The following PTPRT variants were observed in gnomAD, a reference collection of about 807,000 sequenced individuals.
PTPRT encodes receptor-type tyrosine-protein phosphatase T.
PTPRT carries 56 observed loss-of-function variants against 176.8 expected under a neutral mutation model. The ratio of observed to expected loss-of-function variants is 0.32; its 90% CI spans 0.26 to 0.40. The LOEUF is 0.40. Ranked by LOEUF, PTPRT falls within the 10% of genes least tolerant of loss-of-function variation. PTPRT has a pLI of 1.00. For synonymous variants in PTPRT, 783 were observed against 739.0 expected (o/e 1.06, Z -0.96); for missense variants, 1,540 against 1,908.2 (o/e 0.81, Z 3.60).
intron 7 of PTPRT, among the ~76,000 whole-genome samples, chr20:42,544,676 G>A (rs753129339): frequency 2.0e-5 from 3 of 152,170 alleles, no homozygotes; most frequent in Non-Finnish European, 4.4e-5. Context: ...ACAGAGAGTA[G>A]CCTGGCTGTT....
chr20:43,024,744 A>C (rs982722687), intron 1 of PTPRT, among the ~76,000 whole-genome samples: 3 of 152,208 alleles, frequency 2.0e-5, no homozygotes, highest in African/African-American at 7.2e-5. Context: ...CCAGTGTTAG[A>C]TCCCAAGAGC....
chr20:42,598,435 T>C (rs1475833566), intron 7 of PTPRT, among the ~76,000 whole-genome samples: 1 of 152,132 alleles, frequency 6.6e-6, no homozygotes, highest in African/African-American at 2.4e-5. Context: ...TATTGGTTTG[T>C]AAAATGAGTA....
chr20:43,085,125 A>T (rs1389186178), intron 1 of PTPRT, among the ~76,000 whole-genome samples: 1 of 152,162 alleles, frequency 6.6e-6, no homozygotes, highest in African/African-American at 2.4e-5. Context: ...TGTTGGTTTT[A>T]TTAAACTCCA....
chr20:42,487,214 G>A (rs1042711503), intron 7 of PTPRT, among the ~76,000 whole-genome samples: 55 of 152,314 alleles, frequency 3.6e-4, no homozygotes, highest in African/African-American at 1.2e-3. Context: ...GAGAAGGGCA[G>A]AAGTCTAATA....
At position 42,839,174 on chromosome 20, in the gene PTPRT, C is replaced by T. The variant is rs139581431; in HGVS notation, c.214+46633G>A. 1.6e-3 allele frequency among the ~76,000 whole-genome samples: 247 copies of T among 152,214 alleles called. 1 individual carries two copies. The highest frequency in any genetic ancestry group is 5.6e-3 in the African/African-American group (231 of 41,548). ...ACCTCGTAGGGACTTCCATCTCACACGGCCTCCCTGGTTGCCCATCAGCCT... is the reference window on the plus strand; with the variant it reads ...ACCTCGTAGGGACTTCCATCTCACATGGCCTCCCTGGTTGCCCATCAGCCT... On this transcript the variant is annotated intron_variant, in intron 2 of 30. Coordinates refer to ENST00000373187, the MANE Select transcript of PTPRT (RefSeq NM_007050.6).
In PTPRT at chr20:42,315,944, C is replaced by A. The variant is rs531404437; in HGVS notation, c.1918G>T (p.Ala640Ser). The A allele has an allele frequency of 9.2e-5, 149 of 1,613,998 alleles. 2 individuals carry two copies. The South Asian group carries it at 1.4e-3, about 15-fold the overall frequency. ...EERLQKSRRA[A>S]DIIECFSVPV... ...ACCGAAAAGCACTCAATAATGTCAG[C>A]TGCCCTCCGTGACTTCTGAAGTCGC... The change falls in exon 12 of 31, where the codon GCT (alanine) becomes TCT (serine). Residue 640 changes from alanine to serine, a missense_variant. By Grantham distance (99) the Ala-to-Ser change is moderately conservative (BLOSUM62 1). Coordinates refer to ENST00000373187, the MANE Select transcript of PTPRT (RefSeq NM_007050.6).
chr20:42,827,020 A>G (rs2078005922), intron 2 of PTPRT, among the ~76,000 whole-genome samples: 1 of 152,216 alleles, frequency 6.6e-6, no homozygotes, highest in African/African-American at 2.4e-5. Flanking sequence ...CTAACCCTAA[A>G]TATATACACA....
Position 42,716,953 on chromosome 20 carries a change from G to A in PTPRT, c.860-38794C>T, listed in dbSNP as rs188642239. On this transcript the variant is annotated intron_variant, in intron 6 of 30. Coordinates refer to ENST00000373187, the MANE Select transcript of PTPRT (RefSeq NM_007050.6). ...TCATAAGGACAAAAAACCAAACACC[G>A]CATGTTCTCACTCATAGGTGGGAAT... Among the ~76,000 whole-genome samples the A allele has an allele frequency of 4.7e-3, 715 of 150,638 alleles. 9 individuals are homozygous for A. The highest frequency in any genetic ancestry group is 0.016 in the African/African-American group (668 of 40,930).
intron 1 of PTPRT, among the ~76,000 whole-genome samples, chr20:43,066,119 C>G (rs1004688270): frequency 2.0e-5 from 3 of 151,502 alleles, no homozygotes; most frequent in Non-Finnish European, 4.4e-5. Flanking sequence ...CTCTTCCCAA[C>G]TCTCTCTCTC....
At chr20:42,261,742 A>G (rs2056753592) in intron 13 of PTPRT, among the ~76,000 whole-genome samples, 1 of 152,174 alleles carries the variant, frequency 6.6e-6, no homozygotes, top group African/African-American at 2.4e-5. Context: ...AGGCTCCCCT[A>G]GGCTCATACT....
At chr20:42,565,170 C>T (rs2073017899) in intron 7 of PTPRT, among the ~76,000 whole-genome samples, 1 of 152,096 alleles carries the variant, frequency 6.6e-6, no homozygotes, top group African/African-American at 2.4e-5. Flanking sequence ...TCTCAAAAGA[C>T]ACAGACACTA....
chr20:42,352,375 G>T, intron 9 of PTPRT, 90 bp from the exon 10 acceptor site: 2 of 1,315,184 alleles, frequency 1.5e-6, no homozygotes, highest in South Asian at 1.2e-5. Flanking sequence ...TAGGGAGGCG[G>T]GGGAAGGGGC....
intron 7 of PTPRT, chr20:42,606,971 A>G (rs895853842): frequency 6.6e-6 from 1 of 152,246 alleles, no homozygotes; most frequent in African/African-American, 2.4e-5. Context: ...GAATGAATGA[A>G]TAATTAAAAT....
intron 2 of PTPRT, among the ~76,000 whole-genome samples, chr20:42,866,090 T>G (rs999684845): frequency 9.2e-5 from 14 of 152,172 alleles, no homozygotes. Flanking sequence ...CATGTTGGGA[T>G]AGGACCCAGG....
intron 1 of PTPRT, among the ~76,000 whole-genome samples, chr20:43,122,724 T>C (rs1248483074): frequency 6.6e-6 from 1 of 152,242 alleles, no homozygotes; most frequent in Non-Finnish European, 1.5e-5. Flanking sequence ...CATGATTGTA[T>C]GCTTCCTGAG....
At chr20:42,445,264 AGC>A (rs2059352661) in intron 9 of PTPRT, among the ~76,000 whole-genome samples, 1 of 152,246 alleles carries the variant, frequency 6.6e-6, no homozygotes, top group Non-Finnish European at 1.5e-5. Context: ...TAATGATAAC[AGC>A]TAACATTTAT....
intron 7 of PTPRT, among the ~76,000 whole-genome samples, chr20:42,568,978 G>A (rs1368335545): frequency 7.0e-6 from 1 of 143,700 alleles, no homozygotes; most frequent in Non-Finnish European, 1.5e-5. Flanking sequence ...AACCCGGGAG[G>A]TGGAGGTTGC....
At chr20:43,166,637 G>A (rs1383858431) in intron 1 of PTPRT, among the ~76,000 whole-genome samples, 1 of 152,102 alleles carries the variant, frequency 6.6e-6, no homozygotes, top group African/African-American at 2.4e-5. Context: ...ATTACCATGA[G>A]TACCGGCATT....
chr20:42,866,304 T>C (rs6030531), intron 2 of PTPRT, among the ~76,000 whole-genome samples: 3,121 of 152,272 alleles, frequency 0.02, 100 homozygotes, highest in African/African-American at 0.072. Context: ...GTGTGTAATA[T>C]ACAGATGAGG....
Sources: allele counts gnomAD v4.1 joint callset (sites outside exome capture counted in the v4.1 genomes callset), GRCh38; gene constraint gnomAD v4.1.1; transcripts MANE v1.5; gene names NCBI Gene and HGNC (gene_info 2026-07-23, HGNC 2026-07-21).